NOL4: variants seen among roughly 807,000 people sequenced by gnomAD.
NOL4 encodes cancer/testis antigen 125.
In NOL4, 17 loss-of-function variants were observed where a neutral mutation model predicts 75.9. The ratio of observed to expected loss-of-function variants is 0.22; its 90% CI spans 0.15 to 0.34. NOL4 has a LOEUF of 0.34. Among genes scored for constraint, NOL4 ranks in the 10% least tolerant of loss-of-function variants. The pLI is 1.00. For synonymous variants in NOL4, 292 were observed against 289.9 expected, an observed-to-expected ratio of 1.01 and a Z score of -0.07; for missense variants, 614 against 793.5, an observed-to-expected ratio of 0.77 and a Z score of 2.72.
chr18:33,883,192 A>G (rs1382601727), intron 10 of NOL4, 52 bp downstream of exon 10: 1 of 1,413,418 alleles, frequency 7.1e-7, no homozygotes, highest in African/African-American at 1.4e-5. Flanking sequence ...TGTACCCTAA[A>G]ACTTAAAGTA....
chr18:33,878,402 T>C (rs76364580), intron 10 of NOL4, among the ~76,000 whole-genome samples: 3,302 of 152,222 alleles, frequency 0.022, 58 homozygotes, highest in Middle Eastern at 0.051. Context: ...ACTAAGTAAA[T>C]TAAAAGGGCA....
Position 33,927,469 on chromosome 18 carries a change from T to C in NOL4, c.1542+15596A>G, listed in dbSNP as rs572162820. On this transcript the variant is annotated intron_variant, in intron 9 of 10. Transcript: ENST00000261592. The stretch of plus-strand genomic sequence containing the variant: ...CTGTATCTCCTTAACAGGGTGTAAA[T>C]AGGAACAAGTACAGCCTGTCCTGCA... Among the ~76,000 whole-genome samples the C allele has an allele frequency of 3.7e-4, 56 of 152,072 alleles. 1 individual carries two copies. The highest frequency in any genetic ancestry group is 4.4e-4 in the Non-Finnish European group (30 of 68,006).
chr18:34,064,111 C>A (rs1477865005), intron 5 of NOL4, among the ~76,000 whole-genome samples: 1 of 151,904 alleles, frequency 6.6e-6, no homozygotes, highest in African/African-American at 2.4e-5. Context: ...ATACAATTGG[C>A]ATATTGTCAC....
chr18:34,197,332 T>C (rs1600852916), intron 1 of NOL4, among the ~76,000 whole-genome samples: 1 of 152,112 alleles, frequency 6.6e-6, no homozygotes, highest in African/African-American at 2.4e-5. Flanking sequence ...TCTAATCCAA[T>C]TTCTTAATTT....
chr18:34,041,018 T>C (rs1026676407), intron 5 of NOL4, among the ~76,000 whole-genome samples: 2 of 151,944 alleles, frequency 1.3e-5, no homozygotes, highest in Non-Finnish European at 2.9e-5. Context: ...AAAAACGTAA[T>C]GAAAAAATTT....
In NOL4 at chr18:34,216,219, T is replaced by C. The variant is rs554414958; in HGVS notation, c.264+6771A>G. ...TTCAAATATATCTTAGCAAAATAAT[T>C]TAATTTCAAGGATAAAGAAGTAAAC... On this transcript the variant is annotated intron_variant, in intron 1 of 10. Coordinates refer to ENST00000261592, the MANE Select transcript of NOL4 (RefSeq NM_003787.5). Among the ~76,000 whole-genome samples, 3 of 152,322 alleles carry C rather than the reference T, an allele frequency of 2.0e-5. No individual in the cohort carries two copies. The South Asian group carries it at 6.2e-4, about 32-fold the overall frequency.
chr18:33,871,055 C>G (rs1444027031), intron 10 of NOL4, among the ~76,000 whole-genome samples: 1 of 152,016 alleles, frequency 6.6e-6, no homozygotes, highest in Non-Finnish European at 1.5e-5. Context: ...TCCACTAGTT[C>G]TAGCAATTGT....
intron 10 of NOL4, among the ~76,000 whole-genome samples, chr18:33,880,832 T>A (rs2064222268): frequency 6.6e-6 from 1 of 151,984 alleles, no homozygotes. Context: ...TTTTTTTTAG[T>A]ATAAACAGCA....
At chr18:34,016,396 A>T (rs2074695393) in intron 6 of NOL4, among the ~76,000 whole-genome samples, 1 of 151,642 alleles carries the variant, frequency 6.6e-6, no homozygotes, top group African/African-American at 2.4e-5. Flanking sequence ...GGCTTTCTAA[A>T]ATTCTAAGCT....
At chr18:34,054,535 A>G (rs1195748590) in intron 5 of NOL4, among the ~76,000 whole-genome samples, 1 of 151,604 alleles carries the variant, frequency 6.6e-6, no homozygotes, top group African/African-American at 2.4e-5. Context: ...GCTCTTTTTT[A>G]GTTATCACTT....
At chr18:34,025,963 C>G (rs9955900) in intron 5 of NOL4, among the ~76,000 whole-genome samples, 2,168 of 152,270 alleles carry the variant, frequency 0.014, 56 homozygotes, top group African/African-American at 0.05. Flanking sequence ...TGAGCCAGGA[C>G]TACTCATTGA....
intron 5 of NOL4, among the ~76,000 whole-genome samples, chr18:34,059,953 G>A (rs1421345100): frequency 6.6e-6 from 1 of 152,050 alleles, no homozygotes; most frequent in African/African-American, 2.4e-5. Flanking sequence ...CAGAGCATCG[G>A]TCATTGAGTG....
At chr18:34,117,743 A>G (rs1429477409) in intron 2 of NOL4, among the ~76,000 whole-genome samples, 3 of 152,230 alleles carry the variant, frequency 2.0e-5, no homozygotes, top group African/African-American at 7.2e-5. Context: ...AATAGAATTT[A>G]GGAGAGGAAT....
chr18:33,912,421 G>T (rs930536373), intron 9 of NOL4, among the ~76,000 whole-genome samples: 2 of 151,974 alleles, frequency 1.3e-5, no homozygotes, highest in African/African-American at 4.8e-5. Context: ...GTTAGAATCA[G>T]GATAGGTACA....
chr18:33,999,324 AT>A (rs1316617811), intron 6 of NOL4, among the ~76,000 whole-genome samples: 1 of 151,586 alleles, frequency 6.6e-6, no homozygotes, highest in African/African-American at 2.4e-5. Context: ...GATAATGCTA[AT>A]TTTTTTATTT....
intron 9 of NOL4, among the ~76,000 whole-genome samples, chr18:33,897,083 C>G (rs777124647): frequency 3.9e-5 from 6 of 152,048 alleles, no homozygotes; most frequent in East Asian, 1.9e-4. Flanking sequence ...TCACACCAGT[C>G]AGAATGGCTA....
At chr18:34,047,948 A>G (rs2076457136) in intron 5 of NOL4, among the ~76,000 whole-genome samples, 1 of 152,076 alleles carries the variant, frequency 6.6e-6, no homozygotes, top group Admixed American at 6.6e-5. Context: ...TTTTCATCAT[A>G]TTATAATGAC....
At chr18:33,885,260 AT>A (rs1343542778) in intron 9 of NOL4, among the ~76,000 whole-genome samples, 2 of 152,056 alleles carry the variant, frequency 1.3e-5, no homozygotes, top group African/African-American at 4.8e-5. Context: ...AACTCTCGCT[AT>A]TTAAATCATA....
rs367608588 is a variant in NOL4 at position 33,904,221 on chromosome 18, G to A, written c.1543-20797C>T. ...TCTTTGCCATAGGGGTCCCATCGAG[G>A]GATAGTATGGACCTAGGGCAGGTAG... On this transcript the variant is annotated intron_variant, in intron 9 of 10. Coordinates refer to ENST00000261592, the MANE Select transcript of NOL4 (RefSeq NM_003787.5). Among the ~76,000 whole-genome samples the A allele has an allele frequency of 4.6e-5, 7 of 151,996 alleles. No homozygotes were observed. In the East Asian group the frequency reaches 1.2e-3, roughly 25 times the overall value.
Sources: allele counts gnomAD v4.1 joint callset (sites outside exome capture counted in the v4.1 genomes callset), GRCh38; gene constraint gnomAD v4.1.1; transcripts MANE v1.5; gene names NCBI Gene and HGNC (gene_info 2026-07-23, HGNC 2026-07-21).